The following RCC2 variants were observed in gnomAD, a reference collection of about 807,000 sequenced individuals.
The protein encoded by RCC2 is regulator of chromosome condensation 2.
RCC2 carries 19 observed loss-of-function variants against 64.1 expected under a neutral mutation model. That is an observed-to-expected ratio of 0.30 (90% confidence interval 0.21 to 0.44). RCC2 has a LOEUF of 0.44. RCC2 is among the 20% of genes least tolerant of loss of function. The pLI is 1.00. For missense variants in RCC2, 508 were observed against 710.4 expected (o/e 0.72, Z 3.24); for synonymous variants, 325 against 279.6 (o/e 1.16, Z -1.62).
chr1:17,420,498 T>C (rs759008904), intron 7 of RCC2, among the ~76,000 whole-genome samples: 1 of 152,166 alleles, frequency 6.6e-6, no homozygotes, highest in African/African-American at 2.4e-5. Flanking sequence ...AGGACTCCAG[T>C]CCCAACTTTT....
At chr1:17,415,170 GACAAA>G (rs1475249255) in intron 8 of RCC2, among the ~76,000 whole-genome samples, 1 of 152,202 alleles carries the variant, frequency 6.6e-6, no homozygotes, top group African/African-American at 2.4e-5. Flanking sequence ...GACTACATCA[GACAAA>G]ACAAATCAGT....
chr1:17,425,583 G>A lies in RCC2; in HGVS notation c.481C>T (p.His161Tyr), dbSNP rs757985187. The A allele has an allele frequency of 6.2e-7, 1 of 1,614,052 alleles. No homozygotes were observed. Among genetic ancestry groups the A allele is most frequent in the Non-Finnish European group, 8.5e-7 (1 of 1,179,950 alleles). ...RTVVSGSCAA[H>Y]SLLITTEGKL... ...CCTTCCGTGGTGATGAGGAGGCTGT[G>A]TGCAGCACACGAGCCCGAGACCACT... The change falls in exon 4 of 13, where the codon CAC becomes TAC. Residue 161 changes from histidine (H) to tyrosine (Y), a missense_variant. Transcript: ENST00000375436.
At chr1:17,413,914 T>G (rs912460006) in intron 8 of RCC2, among the ~76,000 whole-genome samples, 197 bp from the exon 9 acceptor site, 1 of 152,198 alleles carries the variant, frequency 6.6e-6, no homozygotes, top group Non-Finnish European at 1.5e-5. Context: ...GTGGATCACT[T>G]GAGGTCAGGA....
intron 7 of RCC2, among the ~76,000 whole-genome samples, chr1:17,418,655 C>CA (rs1338675646): frequency 2.1e-4 from 32 of 151,732 alleles, no homozygotes; most frequent in African/African-American, 4.8e-4. Flanking sequence ...GACTCCGTAT[C>CA]AAAAAAAACA....
At chr1:17,420,331 G>A (rs932320390) in intron 7 of RCC2, among the ~76,000 whole-genome samples, 1 of 152,202 alleles carries the variant, frequency 6.6e-6, no homozygotes, top group African/African-American at 2.4e-5. Flanking sequence ...CCAGGCCAGG[G>A]TTTCCAGAAC....
chr1:17,438,548 G>A, intron 1 of RCC2, 26 bp from the exon 2 acceptor site: 3 of 1,304,712 alleles, frequency 2.3e-6, no homozygotes, highest in Non-Finnish European at 2.9e-6. Context: ...GGGCAGCGGC[G>A]CACAATGGAC....
rs903424972 is a variant in RCC2, at chr1:17,430,648, C to T, written c.286-1449G>A. Reference sequence around the variant, plus strand: ...TAAAAATACAAAAAAATTAGCCAGGCGTGGTGGCATCCGCCTGTCGTCCCA... The same window carrying T: ...TAAAAATACAAAAAAATTAGCCAGGTGTGGTGGCATCCGCCTGTCGTCCCA... On this transcript the variant is annotated intron_variant, in intron 2 of 12. Transcript: ENST00000375436. Among the ~76,000 whole-genome samples the T allele has an allele frequency of 1.2e-4, 18 of 152,132 alleles. 1 individual carries two copies. The highest frequency in any genetic ancestry group is 4.3e-4 in the African/African-American group (18 of 41,556).
At chr1:17,421,951 G>T (rs1471514445) in intron 6 of RCC2, among the ~76,000 whole-genome samples, 1 of 152,130 alleles carries the variant, frequency 6.6e-6, no homozygotes, top group East Asian at 1.9e-4. Flanking sequence ...CTTGAACCCG[G>T]GAGGCGGAGG....
Position 17,438,377 on chromosome 1 carries a change from G to A in RCC2, c.138C>T (p.Ser46=), listed in dbSNP as rs893871577. ...CCTCGTCGCCGCTGCTGCCGCCGCC[G>A]CTGCTGCTACTGCAGCGCTCGGGCC... ...RERPERCSSS[S]GGGSSGDEDG... is the part of the protein sequence containing the mutation. The change falls in exon 2 of 13, where the codon AGC becomes AGT. Residue 46 remains serine, a synonymous_variant. Coordinates refer to ENST00000375436, the MANE Select transcript of RCC2 (RefSeq NM_018715.4). The A allele has an allele frequency of 3.0e-5, 38 of 1,248,606 alleles. No homozygotes were observed. In the African/African-American group the frequency reaches 4.7e-4, roughly 15 times the overall value. 77.3% of individuals were successfully genotyped at this position (1,248,606 alleles called of 1,614,324 possible).
At chr1:17,437,630 C>G (rs1033921188) in intron 2 of RCC2, among the ~76,000 whole-genome samples, 2 of 4,630 alleles carry the variant, frequency 4.3e-4, no homozygotes. Context: ...CCGAGCACCG[C>G]TCAGCCGGGG....
At chr1:17,424,173 TCTA>T (rs1344732518) in intron 4 of RCC2, among the ~76,000 whole-genome samples, 2 of 152,200 alleles carry the variant, frequency 1.3e-5, no homozygotes, top group African/African-American at 4.8e-5. Context: ...CCCGTGGTAC[TCTA>T]CTCACACCAG....
intron 2 of RCC2, 65 bp downstream of exon 2, chr1:17,438,165 T>G: frequency 9.2e-7 from 1 of 1,091,286 alleles, no homozygotes; most frequent in Non-Finnish European, 1.1e-6. Flanking sequence ...ACGCGCGCCG[T>G]GCCGCGTCGC....
chr1:17,409,833 A>C, intron 12 of RCC2, 141 bp downstream of exon 12: 1 of 744,584 alleles, frequency 1.3e-6, no homozygotes, highest in South Asian at 1.6e-5. Context: ...TCTCAAACAA[A>C]TCTTAGCGTG....
At chr1:17,418,213 A>ATTTTTT (rs751372153) in intron 7 of RCC2, among the ~76,000 whole-genome samples, 1 of 128,738 alleles carries the variant, frequency 7.8e-6, no homozygotes, top group African/African-American at 2.9e-5. Context: ...AGCAGGTTCT[A>ATTTTTT]TTTTTTTTTT....
At chr1:17,430,541 A>T (rs2075664847) in intron 2 of RCC2, among the ~76,000 whole-genome samples, 1 of 151,618 alleles carries the variant, frequency 6.6e-6, no homozygotes, top group African/African-American at 2.4e-5. Flanking sequence ...TAATCCCAGC[A>T]CTTTGGGAGG....
chr1:17,410,356 A>G (rs1000238836), intron 11 of RCC2, among the ~76,000 whole-genome samples: 2 of 152,184 alleles, frequency 1.3e-5, no homozygotes, highest in Admixed American at 6.5e-5. Context: ...GTGACAAGAG[A>G]TGACACCACG....
At chr1:17,435,159 G>C (rs2075722783) in intron 2 of RCC2, among the ~76,000 whole-genome samples, 1 of 152,166 alleles carries the variant, frequency 6.6e-6, no homozygotes, top group African/African-American at 2.4e-5. Flanking sequence ...CGTGAGAGCG[G>C]AGGAAAAAAG....
At chr1:17,432,023 G>C (rs1466666463) in intron 2 of RCC2, among the ~76,000 whole-genome samples, 2 of 151,290 alleles carry the variant, frequency 1.3e-5, no homozygotes, top group African/African-American at 4.9e-5. Flanking sequence ...AGGAGGCAGA[G>C]GTTGCAGCGA....
At chr1:17,413,998 A>G (rs1049201902) in intron 8 of RCC2, among the ~76,000 whole-genome samples, 1 of 152,288 alleles carries the variant, frequency 6.6e-6, no homozygotes, top group East Asian at 1.9e-4. Flanking sequence ...GCCTGCCTCC[A>G]GCAGAAAGAT....
Sources: allele counts gnomAD v4.1 joint callset (sites outside exome capture counted in the v4.1 genomes callset), GRCh38; gene constraint gnomAD v4.1.1; transcripts MANE v1.5; gene names NCBI Gene and HGNC (gene_info 2026-07-23, HGNC 2026-07-21).